The following MYH7 variants were observed in gnomAD, a reference collection of about 807,000 sequenced individuals.
The protein encoded by MYH7 is myosin heavy chain 7.
Under a neutral mutation model 225.4 loss-of-function variants are expected in MYH7, and 129 were observed. The ratio of observed to expected loss-of-function variants is 0.57; its 90% confidence interval spans 0.50 to 0.66. MYH7 has a LOEUF of 0.66. Among genes scored for constraint, MYH7 ranks in the 30% least tolerant of loss-of-function variants. MYH7 has a pLI of 0.00. For synonymous variants in MYH7, 971 were observed against 1,007.6 expected, an observed-to-expected ratio of 0.96 and a Z score of 0.69; for missense variants, 1,649 against 2,517.0, an observed-to-expected ratio of 0.66 and a Z score of 7.38.
At chr14:23,422,413 C>A in intron 24 of MYH7, 88 bp from the exon 25 acceptor site, 2 of 1,590,042 alleles carry the variant, frequency 1.3e-6, no homozygotes, top group South Asian at 2.2e-5. Context: ...CTTGGTAAAT[C>A]TTTGTGTTCA....
chr14:23,414,927 T>A, intron 37 of MYH7, 68 bp downstream of exon 37: 2 of 1,599,700 alleles, frequency 1.3e-6, no homozygotes, highest in Non-Finnish European at 1.7e-6. Flanking sequence ...AAACTCTTCA[T>A]TCTCCTCAGC....
chr14:23,435,264 G>A (rs8011011), intron 1 of MYH7, among the ~76,000 whole-genome samples: 136 of 151,844 alleles, frequency 9.0e-4, no homozygotes, highest in Admixed American at 3.3e-3. Flanking sequence ...GAACCTCCTC[G>A]TTCACAGACG....
chr14:23,419,056 T>C (rs928575989), intron 29 of MYH7, 121 bp downstream of exon 29: 14 of 963,908 alleles, frequency 1.5e-5, no homozygotes, highest in Middle Eastern at 2.1e-4. Context: ...GATTTCTTTT[T>C]AGAATTCTTG....
At chr14:23,419,370 T>G (rs915523995) in intron 28 of MYH7, 75 bp from the exon 29 acceptor site, 1 of 1,612,804 alleles carries the variant, frequency 6.2e-7, no homozygotes, top group African/African-American at 1.3e-5. Flanking sequence ...CCCCATTTTC[T>G]GGAGAGACTC....
chr14:23,428,371 A>G, intron 15 of MYH7, 129 bp downstream of exon 15: 1 of 1,468,406 alleles, frequency 6.8e-7, no homozygotes, highest in South Asian at 1.2e-5. Flanking sequence ...AGGCTCTGGA[A>G]CCAAGGGCTC....
chr14:23,419,949 C>T lies in MYH7; in HGVS notation c.3622G>A (p.Asp1208Asn), dbSNP rs730880781. ...DSVAELGEQI[D>N]NLQRVKQKLE... The stretch of plus-strand genomic sequence containing the variant: ...TTCTGCTTCACCCGCTGCAGGTTGT[C>T]GATCTGCTCGCCCAGCTCGGCCACG... The change falls in exon 27 of 40, where the codon GAC becomes AAC. Residue 1208 changes from aspartate (D) to asparagine (N), a missense_variant. Coordinates refer to ENST00000355349, the MANE Select transcript of MYH7 (RefSeq NM_000257.4). 1.9e-6 allele frequency: 3 copies of T among 1,609,996 alleles called. No individual in the cohort carries two copies. The highest frequency in any genetic ancestry group is 2.5e-6 in the Non-Finnish European group (3 of 1,177,422).
At chr14:23,413,006 C>T (rs1892036095) in intron 39 of MYH7, 135 bp from the exon 40 acceptor site, 1 of 864,958 alleles carries the variant, frequency 1.2e-6, no homozygotes, top group African/African-American at 1.7e-5. Context: ...CCTGTGGCAG[C>T]AGCACATGTG....
At chr14:23,432,130 T>C (rs547188856) in intron 6 of MYH7, among the ~76,000 whole-genome samples, 1 of 152,266 alleles carries the variant, frequency 6.6e-6, no homozygotes, top group East Asian at 1.9e-4. Context: ...GAGATGGGCC[T>C]GGGCTGTTTT....
chr14:23,413,759 C>T lies in MYH7; in HGVS notation c.5790G>A (p.Lys1930=). ...LRAKSRDIGT[K]GLNEE ...AGCAAAGCCCAAAAGAGGGACCCAC[C>T]TTCGTGCCAATGTCACGGCTCTTGG... The change falls in exon 39 of 40, where the codon AAG becomes AAA. Residue 1930 remains lysine (K), a splice_region_variant and synonymous_variant. Transcript: ENST00000355349. The T allele has an allele frequency of 1.2e-6, 2 of 1,613,998 alleles. No homozygotes were observed. Among genetic ancestry groups the T allele is most frequent in the East Asian group, 2.2e-5 (1 of 44,878 alleles).
chr14:23,413,618 G>T, intron 39 of MYH7, 141 bp downstream of exon 39: 9 of 1,017,082 alleles, frequency 8.8e-6, no homozygotes, highest in Non-Finnish European at 1.2e-5. Context: ...AAATCACAGA[G>T]AACTGCATTA....
At chr14:23,428,015 G>A in intron 15 of MYH7, 121 bp from the exon 16 acceptor site, 1 of 1,263,958 alleles carries the variant, frequency 7.9e-7, no homozygotes, top group Non-Finnish European at 1.1e-6. Flanking sequence ...AGTAGGCTCA[G>A]CTCTGAGTAC....
Position 23,416,351 on chromosome 14 carries a change from CAG to C in MYH7, c.4645-41_4645-40del, listed in dbSNP as rs1892213010. ...GGGGGAGGGGATGCAGGCAGACAGTCAGGGCACAGGGCAGGGTGGGGGCCTGC... is the reference window on the plus strand; with the variant it reads ...GGGGGAGGGGATGCAGGCAGACAGTCGGCACAGGGCAGGGTGGGGGCCTGC... On this transcript the variant is annotated intron_variant, in intron 33 of 39. Coordinates refer to ENST00000355349, the MANE Select transcript of MYH7 (RefSeq NM_000257.4). The C allele has an allele frequency of 1.9e-6, 3 of 1,598,714 alleles. No homozygotes were observed. The Admixed American group carries it at 5.1e-5, about 27-fold the overall frequency.
Position 23,417,249 on chromosome 14 carries a change from G to A in MYH7, c.4423C>T (p.Arg1475Cys), listed in dbSNP as rs139646545. 2.7e-5 allele frequency: 43 copies of A among 1,614,034 alleles called. No homozygotes were observed. Among genetic ancestry groups the A allele is most frequent in the Admixed American group, 5.0e-5 (3 of 60,010 alleles). ...TTGAAGAGCTCTGTGCTGAGGGAGC[G>A]AGCCTCCTTCTGCGAGGACTCCAGC... ...SELESSQKEA[R>C]SLSTELFKLK... The change falls in exon 32 of 40, where the codon CGC becomes TGC. Residue 1475 changes from arginine (R) to cysteine (C), a missense_variant. Coordinates refer to ENST00000355349, the MANE Select transcript of MYH7 (RefSeq NM_000257.4).
At chr14:23,419,039 G>A (rs1404180823) in intron 29 of MYH7, 138 bp downstream of exon 29, 6 of 848,598 alleles carry the variant, frequency 7.1e-6, no homozygotes, top group Non-Finnish European at 1.0e-5. Context: ...GGCAGGGTTT[G>A]GGCTGTGATT....
In MYH7 at chr14:23,431,659, T is replaced by C. The variant is rs779190577; in HGVS notation, c.658A>G (p.Ile220Val). 5 of 1,614,146 alleles carry C rather than the reference T, an allele frequency of 3.1e-6. No homozygotes were observed. In the South Asian group the frequency reaches 5.5e-5, roughly 18 times the overall value. Residue 220 changes from isoleucine (I) to valine (V), a missense_variant, in exon 8 of 40, where the codon ATC (isoleucine) becomes GTC (valine). Ile to Val is a conservative substitution (Grantham distance 29). Around this residue, in one of 12 missense-constraint regions of MYH7, gnomAD observed 131 missense variants for 231.3 expected, o/e 0.57. Transcript: ENST00000355349. ...SPGKGTLEDQ[I>V]IQANPALEAF... Reference sequence around the variant, plus strand: ...TCCAGAGCAGGGTTGGCCTGGATGATCTGGTCCTCCAGGGTGCCCTGCAGA... The same window carrying C: ...TCCAGAGCAGGGTTGGCCTGGATGACCTGGTCCTCCAGGGTGCCCTGCAGA...
At chr14:23,414,896 G>T in intron 37 of MYH7, 99 bp downstream of exon 37, 1 of 1,584,682 alleles carries the variant, frequency 6.3e-7, no homozygotes, top group Non-Finnish European at 8.6e-7. Flanking sequence ...TCCCATCCTC[G>T]CCCTGGAAGA....
chr14:23,429,226 C>A lies in MYH7; in HGVS notation c.1257+3G>T. ...ACCCATTATCATCTGAAGATGGACC[C>A]ACCTGCTGGACATTCTGCCCCTTGG... On this transcript the variant is annotated splice_donor_region_variant and intron_variant, in intron 13 of 39. Coordinates refer to ENST00000355349, the MANE Select transcript of MYH7 (RefSeq NM_000257.4). The A allele has an allele frequency of 6.2e-7, 1 of 1,614,162 alleles. No homozygotes were observed. Among genetic ancestry groups the A allele is most frequent in the Non-Finnish European group, 8.5e-7 (1 of 1,179,950 alleles).
chr14:23,419,314 A>T lies in MYH7; in HGVS notation c.3854-19T>A. 1 of 1,613,832 alleles carries T rather than the reference A, an allele frequency of 6.2e-7. No homozygotes were observed. Among genetic ancestry groups the T allele is most frequent in the Non-Finnish European group, 8.5e-7 (1 of 1,179,784 alleles). ...AGCTCACCTGGGGAAGCACCATTCT[A>T]GATCAGCACTCCTCTCTATCCCCAC... On this transcript the variant is annotated intron_variant, in intron 28 of 39. Coordinates refer to ENST00000355349, the MANE Select transcript of MYH7 (RefSeq NM_000257.4).
intron 30 of MYH7, chr14:23,417,978 G>C (rs371255947): frequency 1.1e-6 from 1 of 890,314 alleles, no homozygotes; most frequent in Admixed American, 1.7e-5. Flanking sequence ...TGCCCCAGAC[G>C]GAAGCACTCT....
Sources: gnomAD v4.1 joint callset for allele counts (sites outside exome capture counted in the v4.1 genomes callset) on GRCh38, gnomAD v4.1.1 for gene constraint, gnomAD v4.1.1 regional missense constraint, MANE v1.5 for transcripts, NCBI Gene and HGNC (gene_info 2026-07-23, HGNC 2026-07-21) for gene names.